Variants in OR4M1 observed in about 807,000 individuals in gnomAD.
OR4M1 encodes the protein olfactory receptor family 4 subfamily M member 1, also known as olfactory receptor 4M1.
A neutral mutation model predicts 9.8 loss-of-function variants in OR4M1; 7 were observed. The observed-to-expected ratio is 0.71, with a 90% confidence interval of 0.41 to 1.34. OR4M1 has a LOEUF of 1.34. Ranked by LOEUF, OR4M1 falls within the 40% of genes most tolerant of loss-of-function variation. OR4M1 has a pLI of 0.01. For missense variants in OR4M1, 331 were observed against 380.4 expected (o/e 0.87, Z 1.08); for synonymous variants, 121 against 139.8 (o/e 0.87, Z 0.95).
Position 19,780,979 on chromosome 14 carries a change from C to T in OR4M1, c.657C>T (p.Ala219=). 6.2e-7 allele frequency: 1 copy of T among 1,614,214 alleles called. No homozygotes were observed. The highest frequency in any genetic ancestry group is 1.7e-5 in the Admixed American group (1 of 60,032). ...TCATTGCTCTGTTAATGTCCTATGC[C>T]TTCCTTCTGGCCTTGCTCAAGAAAC... ...VCFIALLMSY[A]FLLALLKKHS... The change falls in exon 2 of 2, where the codon GCC becomes GCT. Residue 219 remains alanine, a synonymous_variant. Coordinates refer to ENST00000641200, the MANE Select transcript of OR4M1 (RefSeq NM_001005500.2).
At chr14:19,774,198 A>G (rs1251265402) in intron 1 of OR4M1, among the ~76,000 whole-genome samples, 1 of 152,282 alleles carries the variant, frequency 6.6e-6, no homozygotes, top group Non-Finnish European at 1.5e-5. Context: ...CTTGAAATAA[A>G]TGTGGGTGAA....
At chr14:19,775,598 T>A (rs1878287837) in intron 1 of OR4M1, among the ~76,000 whole-genome samples, 1 of 147,342 alleles carries the variant, frequency 6.8e-6, no homozygotes, top group Non-Finnish European at 1.5e-5. Flanking sequence ...TATATAATTA[T>A]AATATATAAG....
Position 19,781,308 on chromosome 14 carries a change from C to G in OR4M1, c.*44C>G. ...TATAGTCCTCCTGAGGATCATTGTC[C>G]TAAAGCAGGAAGTATTTGCAGTAAT... On this transcript the variant is annotated 3_prime_UTR_variant, in exon 2 of 2. Transcript: ENST00000641200. 1 of 1,466,364 alleles carries G rather than the reference C, an allele frequency of 6.8e-7. No homozygotes were observed. Among genetic ancestry groups the G allele is most frequent in the Non-Finnish European group, 9.3e-7 (1 of 1,076,758 alleles). The allele number at this position is 1,466,364 out of a possible 1,614,324, so 90.8% of individuals were successfully genotyped here.
At chr14:19,778,445 T>C (rs1247444261) in intron 1 of OR4M1, among the ~76,000 whole-genome samples, 5 of 152,248 alleles carry the variant, frequency 3.3e-5, no homozygotes, top group Admixed American at 2.0e-4. Flanking sequence ...CTTTAAAATA[T>C]TCACCTCCTT....
chr14:19,782,804 T>G lies in OR4M1; in HGVS notation c.*1540T>G, dbSNP rs1878540506. ...CATCACCTGGAAGTGAATAAAGCAG[T>G]AGACTTCTCTAACATTTTGTAACAC... On this transcript the variant is annotated 3_prime_UTR_variant, in exon 2 of 2. Coordinates refer to ENST00000641200, the MANE Select transcript of OR4M1 (RefSeq NM_001005500.2). 6 of 152,352 alleles carry G rather than the reference T, an allele frequency of 3.9e-5. No homozygotes were observed. In the South Asian group the frequency reaches 1.2e-3, roughly 32 times the overall value. 9.4% of individuals were successfully genotyped at this position (152,352 alleles called of 1,614,324 possible). A position where few individuals can be genotyped will look rare whatever the true frequency, so the allele number is the denominator to read the frequency against.
intron 1 of OR4M1, 29 bp from the exon 2 acceptor site, chr14:19,780,265 A>C: frequency 6.7e-7 from 1 of 1,490,710 alleles, no homozygotes; most frequent in South Asian, 1.3e-5. Context: ...TGCTATGTGG[A>C]CTAATTATAG....
rs552772587 is a variant in OR4M1 at position 19,782,994 on chromosome 14, T to C, written c.*1730T>C. The C allele has an allele frequency of 6.6e-5, 10 of 152,384 alleles. No individual in the cohort carries two copies. The South Asian group carries it at 1.9e-3, about 28-fold the overall frequency. 9.4% of individuals were successfully genotyped at this position (152,384 alleles called of 1,614,324 possible). On this transcript the variant is annotated 3_prime_UTR_variant, in exon 2 of 2. Coordinates refer to ENST00000641200, the MANE Select transcript of OR4M1 (RefSeq NM_001005500.2). ...TCTTTCATCAAACTAGGGCTGATGT[T>C]CTTTGGAAAGGGACCACTGATTTGA...
At position 19,781,323 on chromosome 14, in the gene OR4M1, T is replaced by A; in HGVS notation, c.*59T>A. On this transcript the variant is annotated 3_prime_UTR_variant, in exon 2 of 2. Transcript: ENST00000641200. The stretch of plus-strand genomic sequence containing the variant: ...GATCATTGTCCTAAAGCAGGAAGTA[T>A]TTGCAGTAATAATGCTGCATTCACT... 2 of 1,383,460 alleles carry A rather than the reference T, an allele frequency of 1.4e-6. No homozygotes were observed. The highest frequency in any genetic ancestry group is 2.7e-5 in the South Asian group (2 of 73,268). The allele number at this position is 1,383,460 out of a possible 1,614,324, so 85.7% of individuals were successfully genotyped here. A position where few individuals can be genotyped will look rare whatever the true frequency, so the allele number is the denominator to read the frequency against.
chr14:19,783,050 A>T lies in OR4M1; in HGVS notation c.*1786A>T, dbSNP rs188228349. ...TCTTCAAACACCAGCACACTGTACTACAGAAGGATATTTACTGAAAATACT... is the reference window on the plus strand; with the variant it reads ...TCTTCAAACACCAGCACACTGTACTTCAGAAGGATATTTACTGAAAATACT... On this transcript the variant is annotated 3_prime_UTR_variant, in exon 2 of 2. Coordinates refer to ENST00000641200, the MANE Select transcript of OR4M1 (RefSeq NM_001005500.2). 11 of 152,404 alleles carry T rather than the reference A, an allele frequency of 7.2e-5. No homozygotes were observed. In the East Asian group the frequency reaches 2.1e-3, roughly 29 times the overall value. 9.4% of individuals were successfully genotyped at this position (152,404 alleles called of 1,614,324 possible).
intron 1 of OR4M1, among the ~76,000 whole-genome samples, chr14:19,779,462 T>C (rs1490491098): frequency 6.6e-6 from 1 of 152,236 alleles, no homozygotes; most frequent in Non-Finnish European, 1.5e-5. Flanking sequence ...TACTTAGTGG[T>C]GTCAGGTTCA....
intron 1 of OR4M1, among the ~76,000 whole-genome samples, chr14:19,779,449 T>C (rs1400097069): frequency 7.2e-5 from 11 of 152,236 alleles, no homozygotes; most frequent in Non-Finnish European, 1.5e-4. Context: ...ACAAGTTTTG[T>C]TCTACTTAGT....
chr14:19,775,429 T>C (rs983874945), intron 1 of OR4M1, among the ~76,000 whole-genome samples: 4 of 151,944 alleles, frequency 2.6e-5, no homozygotes, highest in Non-Finnish European at 4.4e-5. Context: ...TGCAACTCTA[T>C]GAGAAATAAA....
chr14:19,774,714 C>A (rs368824373), intron 1 of OR4M1, among the ~76,000 whole-genome samples: 12 of 152,296 alleles, frequency 7.9e-5, no homozygotes, highest in African/African-American at 2.9e-4. Context: ...AACAATGTAA[C>A]AGGACTGTGG....
At position 19,783,135 on chromosome 14, in the gene OR4M1, C is replaced by T. The variant is rs1208434011; in HGVS notation, c.*1871C>T. 1 of 152,240 alleles carries T rather than the reference C, an allele frequency of 6.6e-6. No homozygotes were observed. The highest frequency in any genetic ancestry group is 2.4e-5 in the African/African-American group (1 of 41,446). 9.4% of individuals were successfully genotyped at this position (152,240 alleles called of 1,614,324 possible). A position where few individuals can be genotyped will look rare whatever the true frequency, so the allele number is the denominator to read the frequency against. On this transcript the variant is annotated 3_prime_UTR_variant, in exon 2 of 2. Coordinates refer to ENST00000641200, the MANE Select transcript of OR4M1 (RefSeq NM_001005500.2). ...CAGTAGTGTGATAACTAATTGCTTA[C>T]TTGGGAATATTATCTGAAATTAGAA...
At chr14:19,776,538 G>A (rs1434113522) in intron 1 of OR4M1, among the ~76,000 whole-genome samples, 6 of 152,220 alleles carry the variant, frequency 3.9e-5, no homozygotes, top group South Asian at 4.1e-4. Context: ...GATGTAAGAC[G>A]AAGTAAATCT....
Position 19,781,175 on chromosome 14 carries a change from A to T in OR4M1, c.853A>T (p.Asn285Tyr), listed in dbSNP as rs1362208739. The T allele has an allele frequency of 6.2e-7, 1 of 1,614,206 alleles. No individual in the cohort carries two copies. Among genetic ancestry groups the T allele is most frequent in the Non-Finnish European group, 8.5e-7 (1 of 1,180,024 alleles). ...TCATACTGTAATATTCCCTTTACTT[A>T]ATCCCATTATTTACACATTGAGAAA... is the stretch of plus-strand genomic sequence containing the variant. ...VFHTVIFPLL[N>Y]PIIYTLRNKE... The change falls in exon 2 of 2, where the codon AAT (asparagine) becomes TAT (tyrosine). Residue 285 changes from asparagine to tyrosine, a missense_variant. By Grantham distance (143) the Asn-to-Tyr change is moderately radical. Coordinates refer to ENST00000641200, the MANE Select transcript of OR4M1 (RefSeq NM_001005500.2).
Position 19,780,793 on chromosome 14 carries a change from A to C in OR4M1, c.471A>C (p.Ile157=), listed in dbSNP as rs771084426. 1 of 1,614,210 alleles carries C rather than the reference A, an allele frequency of 6.2e-7. No individual in the cohort carries two copies. The highest frequency in any genetic ancestry group is 1.3e-5 in the African/African-American group (1 of 75,048). The change falls in exon 2 of 2, where the codon ATA becomes ATC. Residue 157 remains isoleucine, a synonymous_variant. Coordinates refer to ENST00000641200, the MANE Select transcript of OR4M1 (RefSeq NM_001005500.2). The stretch of plus-strand genomic sequence containing the variant: ...GGATGGGGGGCTTCATTCATTCTAT[A>C]ATACAGGTGGCTCTCATTGTTCGAC... ...LSWMGGFIHS[I]IQVALIVRLP...
chr14:19,778,398 A>T (rs1878372030), intron 1 of OR4M1, among the ~76,000 whole-genome samples: 1 of 152,218 alleles, frequency 6.6e-6, no homozygotes, highest in African/African-American at 2.4e-5. Flanking sequence ...CCCCATAATA[A>T]TAAAAAAAGC....
intron 1 of OR4M1, 130 bp downstream of exon 1, chr14:19,773,723 A>C (rs1252915457): frequency 6.6e-6 from 1 of 152,502 alleles, no homozygotes; most frequent in African/African-American, 2.4e-5. Flanking sequence ...GCAGCATGTA[A>C]GGAAATGTCT....
Sources: allele counts gnomAD v4.1 joint callset (sites outside exome capture counted in the v4.1 genomes callset), GRCh38; gene constraint gnomAD v4.1.1; transcripts MANE v1.5; gene names NCBI Gene and HGNC (gene_info 2026-07-23, HGNC 2026-07-21).